Variants in ACTR3C observed in about 807,000 individuals in gnomAD.
ACTR3C encodes the protein actin related protein 3C.
ACTR3C carries 18 observed loss-of-function variants against 26.3 expected under a neutral mutation model. The observed-to-expected ratio is 0.68, with a 90% CI of 0.47 to 1.01. The LOEUF (loss-of-function observed/expected upper bound fraction) is 1.01, where lower values mean the gene tolerates loss of function less well. Among genes scored for constraint, ACTR3C ranks in the 50% least tolerant of loss-of-function variants. The pLI, the probability that ACTR3C is intolerant of heterozygous loss-of-function variation, is 0.00. For synonymous variants in ACTR3C, 55 were observed against 94.5 expected (o/e 0.58, Z 2.42); for missense variants, 184 against 250.7 (o/e 0.73, Z 1.80).
intron 1 of ACTR3C, among the ~76,000 whole-genome samples, chr7:150,299,515 GTGGCTCACACC>G (rs1795256804): frequency 6.8e-6 from 1 of 146,712 alleles, no homozygotes; most frequent in South Asian, 2.3e-4. Context: ...GCTGGGTGGT[GTGGCTCACACC>G]TGTAATCCCA....
chr7:149,951,873 C>G, the ACTR3C span, among the ~76,000 whole-genome samples: 1 of 150,482 alleles, frequency 6.6e-6, no homozygotes, highest in Non-Finnish European at 1.5e-5. Flanking sequence ...CCCAGCAGAA[C>G]TGGTGACTGC....
chr7:150,201,662 G>T, the ACTR3C span, among the ~76,000 whole-genome samples: 1 of 151,722 alleles, frequency 6.6e-6, no homozygotes, highest in East Asian at 1.9e-4. Context: ...GGAGGCTGAG[G>T]CAGGAGAATC....
chr7:150,088,789 A>G, the ACTR3C span, among the ~76,000 whole-genome samples: 138 of 152,306 alleles, frequency 9.1e-4, no homozygotes, highest in African/African-American at 3.2e-3. Context: ...GATAGTAGGA[A>G]TGTTTGCATC....
the ACTR3C span, among the ~76,000 whole-genome samples, chr7:150,093,808 C>G: frequency 8.4e-3 from 1,271 of 151,030 alleles, 115 homozygotes; most frequent in African/African-American, 0.03. Flanking sequence ...GAGCCAAATA[C>G]CCAGCAGCAC....
chr7:149,893,808 G>GT, the ACTR3C span, among the ~76,000 whole-genome samples: 1 of 152,296 alleles, frequency 6.6e-6, no homozygotes, highest in Non-Finnish European at 1.5e-5. Context: ...CTATACAAAT[G>GT]TAAGTGCTAG....
At chr7:150,194,779 T>A in the ACTR3C span, among the ~76,000 whole-genome samples, 1 of 152,146 alleles carries the variant, frequency 6.6e-6, no homozygotes, top group Non-Finnish European at 1.5e-5. Flanking sequence ...TATTAATTAA[T>A]CAACATCTAA....
chr7:149,991,400 G>T, the ACTR3C span, among the ~76,000 whole-genome samples: 4 of 152,178 alleles, frequency 2.6e-5, no homozygotes, highest in Non-Finnish European at 5.9e-5. Context: ...GGCTGTGGTG[G>T]GTGCCTGCTG....
intron 1 of ACTR3C, among the ~76,000 whole-genome samples, chr7:150,318,395 T>C (rs2129617444): frequency 6.6e-6 from 1 of 152,348 alleles, no homozygotes; most frequent in South Asian, 2.1e-4. Flanking sequence ...AATACATTTC[T>C]GTTGTTTTAG....
chr7:150,105,638 C>A, the ACTR3C span, among the ~76,000 whole-genome samples: 1 of 152,032 alleles, frequency 6.6e-6, no homozygotes, highest in Non-Finnish European at 1.5e-5. Flanking sequence ...TTGCTCCAGG[C>A]AGGCTGGTCC....
the ACTR3C span, among the ~76,000 whole-genome samples, chr7:149,998,209 T>C: frequency 6.6e-6 from 1 of 151,354 alleles, no homozygotes; most frequent in Non-Finnish European, 1.5e-5. Flanking sequence ...AGCAAAAAGC[T>C]GAGCAAGTCC....
chr7:150,007,658 G>A, the ACTR3C span, among the ~76,000 whole-genome samples: 1 of 152,072 alleles, frequency 6.6e-6, no homozygotes, highest in African/African-American at 2.4e-5. Flanking sequence ...CGTGAGGACT[G>A]CCGTGGGAAT....
the ACTR3C span, among the ~76,000 whole-genome samples, chr7:150,217,339 A>T: frequency 6.6e-6 from 1 of 151,440 alleles, no homozygotes; most frequent in Non-Finnish European, 1.5e-5. Flanking sequence ...GTCTAACGTA[A>T]TACATACTGA....
At chr7:150,226,097 T>C in the ACTR3C span, among the ~76,000 whole-genome samples, 3 of 152,254 alleles carry the variant, frequency 2.0e-5, no homozygotes, top group African/African-American at 2.4e-5. Flanking sequence ...CATTCACATA[T>C]TGTAGAACAT....
the ACTR3C span, among the ~76,000 whole-genome samples, chr7:150,023,332 T>TACAA: frequency 3.6e-5 from 1 of 27,838 alleles, no homozygotes; most frequent in South Asian, 2.8e-3. Context: ...CATACATACA[T>TACAA]ACATACATAT....
At chr7:150,158,245 C>T in the ACTR3C span, among the ~76,000 whole-genome samples, 5 of 151,798 alleles carry the variant, frequency 3.3e-5, no homozygotes, top group African/African-American at 1.2e-4. Context: ...GTTGGTGGGA[C>T]GGCAAATTGT....
chr7:149,941,094 G>C, the ACTR3C span, among the ~76,000 whole-genome samples: 1 of 152,212 alleles, frequency 6.6e-6, no homozygotes, highest in Non-Finnish European at 1.5e-5. Context: ...CAGAGGCTGA[G>C]AGCTGAGGTT....
the ACTR3C span, among the ~76,000 whole-genome samples, chr7:150,180,985 C>T: frequency 6.6e-6 from 1 of 151,382 alleles, no homozygotes; most frequent in Non-Finnish European, 1.5e-5. Flanking sequence ...ACTAGTATTT[C>T]TAGTCAGATG....
the ACTR3C span, among the ~76,000 whole-genome samples, chr7:150,202,397 C>T: frequency 3.9e-5 from 6 of 152,036 alleles, no homozygotes; most frequent in East Asian, 5.8e-4. Context: ...TTGATTCTGG[C>T]GAGTTTGCCT....
At chr7:150,055,467 G>T in the ACTR3C span, among the ~76,000 whole-genome samples, 1 of 148,944 alleles carries the variant, frequency 6.7e-6, no homozygotes, top group African/African-American at 2.5e-5. Flanking sequence ...ATAAAAAAAA[G>T]AAACCATTTA....
Sources: allele counts gnomAD v4.1 joint callset (sites outside exome capture counted in the v4.1 genomes callset), GRCh38; gene constraint gnomAD v4.1.1; transcripts MANE v1.5; gene names NCBI Gene and HGNC (gene_info 2026-07-23, HGNC 2026-07-21).